SPIN1: variants seen among roughly 807,000 people sequenced by gnomAD.
SPIN1 encodes the protein spindlin 1, also known as spindlin-1.
In SPIN1, 3 loss-of-function variants were observed where a neutral mutation model predicts 26.0. That is an observed-to-expected ratio of 0.12 (90% CI 0.05 to 0.30). SPIN1 has a LOEUF of 0.30. SPIN1 is among the 10% of genes least tolerant of loss of function. SPIN1 has a pLI of 1.00. For synonymous variants in SPIN1, 101 were observed against 116.5 expected (o/e 0.87, Z 0.86); for missense variants, 126 against 333.4 (o/e 0.38, Z 4.84).
At chr9:88,441,747 C>G (rs1213899382) in intron 2 of SPIN1, among the ~76,000 whole-genome samples, 1 of 149,418 alleles carries the variant, frequency 6.7e-6, no homozygotes, top group Non-Finnish European at 1.5e-5. Flanking sequence ...CAGAGTGAGA[C>G]CCTGTCTAAA....
chr9:88,431,787 A>G (rs780607372), intron 2 of SPIN1, among the ~76,000 whole-genome samples: 1 of 152,104 alleles, frequency 6.6e-6, no homozygotes, highest in African/African-American at 2.4e-5. Flanking sequence ...AGTGGCTCAT[A>G]AACTATAATC....
chr9:88,436,382 A>G (rs1275553949), intron 2 of SPIN1, among the ~76,000 whole-genome samples: 1 of 152,192 alleles, frequency 6.6e-6, no homozygotes, highest in African/African-American at 2.4e-5. Context: ...GGAGTGGAAA[A>G]TAACAGAGTT....
chr9:88,406,005 CTGTGTGTG>C (rs745317937), intron 1 of SPIN1, among the ~76,000 whole-genome samples: 1,434 of 103,350 alleles, frequency 0.014, 8 homozygotes, highest in African/African-American at 0.025. Flanking sequence ...GCTTGTGTGT[CTGTGTGTG>C]TGTGTGTGTG....
intron 3 of SPIN1, among the ~76,000 whole-genome samples, chr9:88,455,598 T>C (rs948333742): frequency 2.0e-5 from 3 of 152,220 alleles, no homozygotes; most frequent in Non-Finnish European, 4.4e-5. Flanking sequence ...ATGTATATTT[T>C]AAAAAACTTT....
chr9:88,445,399 A>G (rs1278944819), intron 2 of SPIN1, among the ~76,000 whole-genome samples: 2 of 151,962 alleles, frequency 1.3e-5, no homozygotes, highest in Non-Finnish European at 2.9e-5. Flanking sequence ...GCGTATGAAC[A>G]TGCTGGGTGA....
intron 1 of SPIN1, 65 bp from the exon 2 acceptor site, chr9:88,426,317 T>C (rs980005096): frequency 2.5e-6 from 1 of 393,936 alleles, no homozygotes; most frequent in East Asian, 4.3e-5. Context: ...TTATGTTTAA[T>C]GGCTCACTAG....
chr9:88,458,017 G>A (rs893790789), intron 3 of SPIN1: 2 of 980,798 alleles, frequency 2.0e-6, no homozygotes, highest in African/African-American at 3.5e-5. Context: ...TGGTTTTAGT[G>A]TTGCTTTGGC....
intron 1 of SPIN1, among the ~76,000 whole-genome samples, chr9:88,390,064 C>T (rs1047558975): frequency 7.2e-5 from 11 of 152,010 alleles, no homozygotes; most frequent in African/African-American, 2.2e-4. Context: ...GGTAGTAGAT[C>T]CTAGATTCTT....
intron 5 of SPIN1, among the ~76,000 whole-genome samples, chr9:88,470,999 A>T (rs1471498773): frequency 6.6e-6 from 1 of 152,196 alleles, no homozygotes; most frequent in Non-Finnish European, 1.5e-5. Flanking sequence ...ACAATTTTTT[A>T]AATACAAGAC....
At chr9:88,399,156 C>T (rs1028183190) in intron 1 of SPIN1, among the ~76,000 whole-genome samples, 11 of 151,344 alleles carry the variant, frequency 7.3e-5, no homozygotes, top group African/African-American at 2.4e-4. Context: ...CTCAGCCTCC[C>T]GAGTAGCTGG....
Position 88,475,368 on chromosome 9 carries a change from C to A in SPIN1, c.*91C>A. 2 of 1,340,370 alleles carry A rather than the reference C, an allele frequency of 1.5e-6. No homozygotes were observed. Among genetic ancestry groups the A allele is most frequent in the Non-Finnish European group, 2.1e-6 (2 of 965,922 alleles). The allele number at this position is 1,340,370 out of a possible 1,614,324, so 83.0% of individuals were successfully genotyped here. ...TGATTGCTTTCCAGTTTAATGAAAGCTTAAATGTCCCTGCGAACCCACAAT... is the reference window on the plus strand; with the variant it reads ...TGATTGCTTTCCAGTTTAATGAAAGATTAAATGTCCCTGCGAACCCACAAT... On this transcript the variant is annotated 3_prime_UTR_variant, in exon 6 of 6. Transcript: ENST00000375859.
intron 1 of SPIN1, among the ~76,000 whole-genome samples, chr9:88,417,005 T>A (rs1474673331): frequency 6.6e-6 from 1 of 152,236 alleles, no homozygotes; most frequent in Non-Finnish European, 1.5e-5. Context: ...AGATTTTAAT[T>A]TGCTTACATT....
At chr9:88,415,910 ATT>A (rs34382784) in intron 1 of SPIN1, among the ~76,000 whole-genome samples, 183 of 131,636 alleles carry the variant, frequency 1.4e-3, no homozygotes, top group African/African-American at 4.1e-3. Flanking sequence ...TGCTCGGCTA[ATT>A]TTTTTTTTTT....
intron 1 of SPIN1, among the ~76,000 whole-genome samples, chr9:88,400,425 A>G (rs900154618): frequency 4.6e-5 from 7 of 152,198 alleles, no homozygotes; most frequent in African/African-American, 1.7e-4. Flanking sequence ...TTATAGTTCA[A>G]GGAGATAGAA....
At chr9:88,436,384 A>T (rs536290454) in intron 2 of SPIN1, among the ~76,000 whole-genome samples, 1 of 152,316 alleles carries the variant, frequency 6.6e-6, no homozygotes, top group East Asian at 1.9e-4. Flanking sequence ...AGTGGAAAAT[A>T]ACAGAGTTCC....
intron 1 of SPIN1, among the ~76,000 whole-genome samples, chr9:88,425,075 A>G (rs906166898): frequency 1.3e-5 from 2 of 152,064 alleles, no homozygotes; most frequent in African/African-American, 4.8e-5. Context: ...TGGGGGAGCT[A>G]TTGGTGGTAG....
In SPIN1 at chr9:88,426,323, A is replaced by C. The variant is rs1348206506; in HGVS notation, c.-158-59A>C. 17 of 416,620 alleles carry C rather than the reference A, an allele frequency of 4.1e-5. No individual in the cohort carries two copies. The South Asian group carries it at 7.1e-4, about 17-fold the overall frequency. 25.8% of individuals were successfully genotyped at this position (416,620 alleles called of 1,614,324 possible). The stretch of plus-strand genomic sequence containing the variant: ...CTTAAAATTTTATGTTTAATGGCTC[A>C]CTAGGCATAATTTTGCTCTCTTGAT... On this transcript the variant is annotated intron_variant, in intron 1 of 5. Coordinates refer to ENST00000375859, the MANE Select transcript of SPIN1 (RefSeq NM_006717.3).
At chr9:88,444,739 G>GA (rs1446347860) in intron 2 of SPIN1, among the ~76,000 whole-genome samples, 5 of 139,542 alleles carry the variant, frequency 3.6e-5, no homozygotes, top group Non-Finnish European at 7.6e-5. Context: ...CGCCCAGGCT[G>GA]GAGTGCAGTG....
At position 88,468,381 on chromosome 9, in the gene SPIN1, G is replaced by C; in HGVS notation, c.365G>C (p.Arg122Pro). The change falls in exon 5 of 6, where the codon CGA becomes CCA. Residue 122 changes from arginine to proline, a missense_variant. Transcript: ENST00000375859. Reference protein sequence around the residue: ...EVLPDRVATSRISDAHLADTM... With the variant: ...EVLPDRVATSPISDAHLADTM... ...TTTTTTTAATCCCCAGCGACATCTC[G>C]AATCAGCGATGCACACTTGGCAGAC... 1 of 1,527,894 alleles carries C rather than the reference G, an allele frequency of 6.5e-7. No homozygotes were observed. The highest frequency in any genetic ancestry group is 8.8e-7 in the Non-Finnish European group (1 of 1,134,602). 94.6% of individuals were successfully genotyped at this position (1,527,894 alleles called of 1,614,324 possible).
Sources: allele counts gnomAD v4.1 joint callset (sites outside exome capture counted in the v4.1 genomes callset), GRCh38; gene constraint gnomAD v4.1.1; transcripts MANE v1.5; gene names NCBI Gene and HGNC (gene_info 2026-07-23, HGNC 2026-07-21).